GPHN: variants seen among roughly 807,000 people sequenced by gnomAD.
GPHN encodes gephyrin.
Under a neutral mutation model 95.5 loss-of-function variants are expected in GPHN, and 17 were observed. The ratio of observed to expected loss-of-function variants is 0.18; its 90% CI spans 0.12 to 0.27. The LOEUF (loss-of-function observed/expected upper bound fraction) is 0.27. GPHN is among the 10% of genes least tolerant of loss of function. The probability of loss-of-function intolerance (pLI) is 1.00; values close to 1 mark genes in which losing one functional copy is unlikely to be tolerated. For missense variants in GPHN, 660 were observed against 978.1 expected, an observed-to-expected ratio of 0.67 and a Z score of 4.34; for synonymous variants, 320 against 322.5, an observed-to-expected ratio of 0.99 and a Z score of 0.08.
chr14:66,681,095 A>T lies in GPHN; in HGVS notation c.65-12A>T. On this transcript the variant is annotated splice_polypyrimidine_tract_variant and intron_variant, in intron 1 of 22. Coordinates refer to ENST00000478722, the MANE Select transcript of GPHN (RefSeq NM_020806.5). ...AAATTAATTTTTTTTTCTTTTCCCC[A>T]TTTCTATTTAGTGAGTGATAGTTGC... The T allele has an allele frequency of 6.7e-7, 1 of 1,501,524 alleles. No homozygotes were observed. The allele number at this position is 1,501,524 out of a possible 1,614,324, so 93.0% of individuals were successfully genotyped here.
chr14:67,328,047 G>C, the GPHN span, among the ~76,000 whole-genome samples: 4 of 152,054 alleles, frequency 2.6e-5, no homozygotes, highest in Non-Finnish European at 4.4e-5. Context: ...AGATCCTTGA[G>C]GAATCACCAC....
intron 11 of GPHN, among the ~76,000 whole-genome samples, chr14:67,066,715 C>G (rs376422384): frequency 6.6e-6 from 1 of 152,072 alleles, no homozygotes; most frequent in East Asian, 1.9e-4. Context: ...TCCATTTGAT[C>G]AAATTTGCTA....
At chr14:66,568,193 A>G (rs2060538558) in intron 1 of GPHN, among the ~76,000 whole-genome samples, 1 of 152,232 alleles carries the variant, frequency 6.6e-6, no homozygotes, top group Admixed American at 6.5e-5. Context: ...GAAAATTTGT[A>G]GAATGTTAAT....
chr14:67,306,513 TTGTGTGTGTGTG>T, the GPHN span, among the ~76,000 whole-genome samples: 1 of 147,430 alleles, frequency 6.8e-6, no homozygotes, highest in Non-Finnish European at 1.5e-5. Flanking sequence ...CTGGCTGAAT[TTGTGTGTGTGTG>T]TGTGTGTGTG....
chr14:67,245,651 G>A, the GPHN span, among the ~76,000 whole-genome samples: 8 of 151,982 alleles, frequency 5.3e-5, no homozygotes, highest in Non-Finnish European at 1.2e-4. Flanking sequence ...TGCCCCAAAA[G>A]TTTTATATAG....
At chr14:67,016,962 C>G (rs542850402) in intron 9 of GPHN, among the ~76,000 whole-genome samples, 1 of 152,182 alleles carries the variant, frequency 6.6e-6, no homozygotes, top group Non-Finnish European at 1.5e-5. Flanking sequence ...ATACATTACC[C>G]TACTTAATTT....
At chr14:66,974,366 C>T (rs2070056078) in intron 9 of GPHN, among the ~76,000 whole-genome samples, 1 of 151,836 alleles carries the variant, frequency 6.6e-6, no homozygotes, top group Non-Finnish European at 1.5e-5. Flanking sequence ...CAAGTGTCCC[C>T]TTTGTTTTTC....
chr14:67,183,307 T>C (rs1241208501), downstream of GPHN, among the ~76,000 whole-genome samples: 2 of 152,194 alleles, frequency 1.3e-5, no homozygotes, highest in Non-Finnish European at 2.9e-5. Context: ...TATGTGCATA[T>C]ATGCAAGCAT....
At chr14:67,237,518 T>A in the GPHN span, among the ~76,000 whole-genome samples, 4 of 152,264 alleles carry the variant, frequency 2.6e-5, no homozygotes, top group African/African-American at 4.8e-5. Context: ...GAAGGGGGTC[T>A]TGCTGTGTTG....
chr14:67,122,431 G>T (rs565443338), intron 17 of GPHN, 54 bp downstream of exon 17: 1 of 1,505,332 alleles, frequency 6.6e-7, no homozygotes, highest in Non-Finnish European at 9.2e-7. Context: ...ACGAGTTTTT[G>T]GAATACTCAT....
chr14:67,385,431 C>A, the GPHN span: 1 of 135,214 alleles, frequency 7.4e-6, no homozygotes, highest in African/African-American at 3.3e-5. Context: ...CAGGGCAAGA[C>A]CCTGTCTCAA....
chr14:67,113,990 A>C (rs1294605903), intron 16 of GPHN, among the ~76,000 whole-genome samples: 2 of 152,150 alleles, frequency 1.3e-5, no homozygotes, highest in African/African-American at 4.8e-5. Context: ...TTTTTTAAAA[A>C]TCTCTTTGTT....
intron 16 of GPHN, among the ~76,000 whole-genome samples, chr14:67,119,780 G>A (rs920507307): frequency 4.6e-5 from 7 of 151,856 alleles, no homozygotes; most frequent in East Asian, 1.9e-4. Context: ...ACAAGAGCTT[G>A]ATGCTGTCTC....
the GPHN span, among the ~76,000 whole-genome samples, chr14:67,266,147 T>G: frequency 6.6e-6 from 1 of 151,904 alleles, no homozygotes; most frequent in African/African-American, 2.4e-5. Flanking sequence ...GTTAAACGAG[T>G]TCAGTTTACT....
At chr14:66,682,634 C>T (rs1477151186) in intron 2 of GPHN, among the ~76,000 whole-genome samples, 1 of 152,070 alleles carries the variant, frequency 6.6e-6, no homozygotes, top group Non-Finnish European at 1.5e-5. Context: ...CCTGTAGTCC[C>T]AGCTACTTGG....
At chr14:67,607,448 C>T in the GPHN span, among the ~76,000 whole-genome samples, 2 of 152,116 alleles carry the variant, frequency 1.3e-5, no homozygotes, top group Admixed American at 1.3e-4. Flanking sequence ...CTCACTGCAA[C>T]CTCTGCCTCC....
the GPHN span, chr14:67,726,100 T>A: frequency 6.2e-7 from 1 of 1,614,088 alleles, no homozygotes; most frequent in South Asian, 1.1e-5. Context: ...TAATGATGTG[T>A]CCATATTCCA....
chr14:67,598,620 A>G, the GPHN span, among the ~76,000 whole-genome samples: 1 of 152,132 alleles, frequency 6.6e-6, no homozygotes. Flanking sequence ...ATAAGAACTC[A>G]GGCTAGTACT....
chr14:67,493,015 A>C, the GPHN span, among the ~76,000 whole-genome samples: 7 of 152,208 alleles, frequency 4.6e-5, no homozygotes, highest in Non-Finnish European at 8.8e-5. Context: ...TTAAATGTTA[A>C]GGAGGTAGCA....
Sources: allele counts gnomAD v4.1 joint callset (sites outside exome capture counted in the v4.1 genomes callset), GRCh38; gene constraint gnomAD v4.1.1; transcripts MANE v1.5; gene names NCBI Gene and HGNC (gene_info 2026-07-23, HGNC 2026-07-21).